The following SEL1L3 variants were observed in gnomAD, a reference collection of about 807,000 sequenced individuals.
SEL1L3 encodes protein sel-1 homolog 3.
SEL1L3 carries 76 observed loss-of-function variants against 142.8 expected under a neutral mutation model. The observed-to-expected ratio is 0.53, with a 90% CI of 0.44 to 0.64. SEL1L3 has a LOEUF of 0.64. SEL1L3 is among the 30% of genes least tolerant of loss of function. The probability of loss-of-function intolerance (pLI) is 0.00; values close to 1 mark genes in which losing one functional copy is unlikely to be tolerated. For missense variants in SEL1L3, 1,262 were observed against 1,381.7 expected (o/e 0.91, Z 1.37); for synonymous variants, 504 against 519.6 (o/e 0.97, Z 0.41).
intron 14 of SEL1L3, 40 bp downstream of exon 14, chr4:25,784,188 G>A (rs1711620703): frequency 6.8e-7 from 1 of 1,476,672 alleles, no homozygotes; most frequent in Non-Finnish European, 9.5e-7. Flanking sequence ...GTGGGAGTGT[G>A]TGGTGGAACT....
chr4:25,782,743 C>T (rs1398280008), intron 14 of SEL1L3, among the ~76,000 whole-genome samples: 2 of 152,180 alleles, frequency 1.3e-5, no homozygotes, highest in African/African-American at 2.4e-5. Context: ...CCTGCCGCAT[C>T]AATAGTGCCC....
intron 23 of SEL1L3, among the ~76,000 whole-genome samples, chr4:25,752,334 A>G (rs779370063): frequency 7.1e-5 from 10 of 140,406 alleles, no homozygotes; most frequent in Non-Finnish European, 1.4e-4. Context: ...GGAGAATGGC[A>G]TGAACCCCGG....
intron 6 of SEL1L3, among the ~76,000 whole-genome samples, chr4:25,822,371 T>C (rs867473748): frequency 6.6e-6 from 1 of 152,160 alleles, no homozygotes; most frequent in South Asian, 2.1e-4. Flanking sequence ...TCTTCTCCTG[T>C]GTCAAATGAT....
intron 9 of SEL1L3, among the ~76,000 whole-genome samples, chr4:25,812,889 T>C (rs1714127495): frequency 6.6e-6 from 1 of 152,110 alleles, no homozygotes; most frequent in African/African-American, 2.4e-5. Flanking sequence ...GGCGTGCGCC[T>C]GTAATCCCAG....
chr4:25,814,045 C>T (rs546572307), intron 9 of SEL1L3, among the ~76,000 whole-genome samples: 1 of 152,272 alleles, frequency 6.6e-6, no homozygotes, highest in East Asian at 1.9e-4. Context: ...GCATATGTAG[C>T]GGCCTGGAAG....
intron 6 of SEL1L3, among the ~76,000 whole-genome samples, chr4:25,827,858 T>G (rs893487100): frequency 2.6e-5 from 4 of 152,204 alleles, no homozygotes; most frequent in Non-Finnish European, 4.4e-5. Context: ...GAAGCTCTTA[T>G]TTTAAACTTC....
chr4:25,778,009 T>C, intron 16 of SEL1L3: 1 of 352,148 alleles, frequency 2.8e-6, no homozygotes, highest in Non-Finnish European at 5.6e-6. Flanking sequence ...TTCTTAGCTC[T>C]TGGAGCCATA....
At chr4:25,772,382 G>A (rs1437578256) in intron 17 of SEL1L3, among the ~76,000 whole-genome samples, 1 of 152,082 alleles carries the variant, frequency 6.6e-6, no homozygotes, top group Non-Finnish European at 1.5e-5. Context: ...ATATATGGTG[G>A]GCAAGAGAGT....
At chr4:25,844,221 C>T (rs981633458) in intron 2 of SEL1L3, among the ~76,000 whole-genome samples, 1 of 152,176 alleles carries the variant, frequency 6.6e-6, no homozygotes, top group East Asian at 1.9e-4. Flanking sequence ...GAGGCTTGGC[C>T]CCCTTCTATC....
intron 9 of SEL1L3, among the ~76,000 whole-genome samples, chr4:25,808,941 C>T (rs560382050): frequency 3.0e-4 from 41 of 137,642 alleles, no homozygotes; most frequent in Admixed American, 1.3e-3. Context: ...GGTGTGGTGG[C>T]GAGTGCCTGT....
chr4:25,862,883 G>A lies in SEL1L3; in HGVS notation c.-47C>T, dbSNP rs1424821938. ...GCCGGAACAGGTCACCTGGTGCAGG[G>A]ACCGGCCCCCGCCCGAGGCGCCACC... On this transcript the variant is annotated 5_prime_UTR_variant, in exon 1 of 24. Coordinates refer to ENST00000399878, the MANE Select transcript of SEL1L3 (RefSeq NM_015187.5). 1 of 1,057,592 alleles carries A rather than the reference G, an allele frequency of 9.5e-7. No homozygotes were observed. The highest frequency in any genetic ancestry group is 1.1e-6 in the Non-Finnish European group (1 of 878,470). 65.5% of individuals were successfully genotyped at this position (1,057,592 alleles called of 1,614,324 possible).
the SEL1L3 span, among the ~76,000 whole-genome samples, chr4:25,738,877 G>A: frequency 6.6e-6 from 1 of 152,180 alleles, no homozygotes; most frequent in Non-Finnish European, 1.5e-5. Flanking sequence ...AACCAGGGCA[G>A]TTTGGCTCCC....
At chr4:25,831,586 C>T (rs916166785) in intron 5 of SEL1L3, among the ~76,000 whole-genome samples, 16 of 150,278 alleles carry the variant, frequency 1.1e-4, no homozygotes, top group Middle Eastern at 3.5e-3. Context: ...AGTGCAGGGG[C>T]GCCATCTTAG....
chr4:25,720,000 CTAATA>C, the SEL1L3 span: 2 of 152,022 alleles, frequency 1.3e-5, no homozygotes. Flanking sequence ...ATGGTGTATG[CTAATA>C]TAATATTAAT....
the SEL1L3 span, among the ~76,000 whole-genome samples, chr4:25,740,867 C>T: frequency 1.3e-5 from 2 of 152,030 alleles, no homozygotes; most frequent in Admixed American, 6.6e-5. Context: ...TTACTGCAAC[C>T]TCTGCCTCCT....
At chr4:25,729,468 C>G in the SEL1L3 span, among the ~76,000 whole-genome samples, 1 of 152,190 alleles carries the variant, frequency 6.6e-6, no homozygotes, top group Admixed American at 6.5e-5. Flanking sequence ...AATCTCAGCA[C>G]TTTCGGAGGC....
intron 6 of SEL1L3, among the ~76,000 whole-genome samples, chr4:25,828,302 T>A (rs1264921736): frequency 1.3e-5 from 2 of 152,122 alleles, no homozygotes; most frequent in East Asian, 3.8e-4. Flanking sequence ...GAATTTTTTT[T>A]TAATTTTTTT....
At chr4:25,808,892 AC>A (rs746316341) in intron 9 of SEL1L3, among the ~76,000 whole-genome samples, 155 of 152,298 alleles carry the variant, frequency 1.0e-3, no homozygotes, top group Admixed American at 3.8e-3. Context: ...ACACGGTGAA[AC>A]CCCTATCTCT....
intron 11 of SEL1L3, among the ~76,000 whole-genome samples, chr4:25,794,208 A>G (rs1577614026): frequency 6.6e-6 from 1 of 152,372 alleles, no homozygotes; most frequent in South Asian, 2.1e-4. Flanking sequence ...CTGCACTGCA[A>G]AAGAAACTAT....
Sources: gnomAD v4.1 joint callset for allele counts (sites outside exome capture counted in the v4.1 genomes callset) on GRCh38, gnomAD v4.1.1 for gene constraint, MANE v1.5 for transcripts, NCBI Gene and HGNC (gene_info 2026-07-23, HGNC 2026-07-21) for gene names.